CCDC7: variants seen among roughly 807,000 people sequenced by gnomAD.
CCDC7 encodes the protein coiled-coil domain containing 7.
In CCDC7, 183 loss-of-function variants were observed where a neutral mutation model predicts 196.9. That is an observed-to-expected ratio of 0.93 (90% CI 0.82 to 1.05). The LOEUF is 1.05. CCDC7 is among the 50% of genes least tolerant of loss of function. CCDC7 has a pLI of 0.00. For missense variants in CCDC7, 1,540 were observed against 1,482.2 expected (o/e 1.04, Z -0.64); for synonymous variants, 525 against 484.6 (o/e 1.08, Z -1.10).
At chr10:32,818,956 C>T (rs1335080869) in intron 31 of CCDC7, among the ~76,000 whole-genome samples, 1 of 152,058 alleles carries the variant, frequency 6.6e-6, no homozygotes, top group East Asian at 1.9e-4. Context: ...CCAGAAATAA[C>T]TAAGATCAGA....
intron 33 of CCDC7, 142 bp downstream of exon 34, chr10:32,835,040 T>C: frequency 2.1e-6 from 1 of 487,020 alleles, no homozygotes; most frequent in Admixed American, 4.2e-5. Flanking sequence ...TTTGTGGAAC[T>C]CTAGTATTTG....
chr10:32,489,094 G>T (rs1471573457), intron 8 of CCDC7, among the ~76,000 whole-genome samples: 1 of 152,200 alleles, frequency 6.6e-6, no homozygotes, highest in Non-Finnish European at 1.5e-5. Context: ...GACACCTCTT[G>T]GTTCTGGATT....
chr10:32,581,568 A>C (rs2137439203), intron 16 of CCDC7, among the ~76,000 whole-genome samples: 1 of 152,200 alleles, frequency 6.6e-6, no homozygotes, highest in South Asian at 2.1e-4. Flanking sequence ...CCTTCCTAGT[A>C]GTTTTTATTC....
chr10:32,454,549 A>G (rs966999496), intron 2 of CCDC7, among the ~76,000 whole-genome samples: 2 of 151,842 alleles, frequency 1.3e-5, no homozygotes, highest in African/African-American at 4.8e-5. Context: ...AAACCTGCAC[A>G]TGTACCCACT....
At chr10:32,797,154 T>C (rs948034568) in intron 29 of CCDC7, among the ~76,000 whole-genome samples, 2 of 151,520 alleles carry the variant, frequency 1.3e-5, no homozygotes, top group Non-Finnish European at 2.9e-5. Context: ...TAAACTGTGG[T>C]ATGTGTATGT....
chr10:32,716,918 C>G (rs563059511), intron 25 of CCDC7, among the ~76,000 whole-genome samples: 32 of 151,988 alleles, frequency 2.1e-4, no homozygotes, highest in Admixed American at 1.6e-3. Flanking sequence ...GAGACTTAGA[C>G]TCCCACACAA....
rs142960025 is a variant in CCDC7 at position 32,611,073 on chromosome 10, C to T, written c.1802-23181C>T. Among the ~76,000 whole-genome samples the T allele has an allele frequency of 1.1e-3, 162 of 152,316 alleles. 2 individuals carry two copies. The highest frequency in any genetic ancestry group is 0.011 in the East Asian group (55 of 5,182). On this transcript the variant is annotated intron_variant, in intron 18 of 41. Transcript: ENST00000639629. ...AAGCCTTCCTGTTTATCTACATCCT[C>T]TCCAGCATTTGTTGTTTCCTGACTT... is the stretch of plus-strand genomic sequence containing the variant.
chr10:32,491,136 AC>A (rs908044170), intron 8 of CCDC7, among the ~76,000 whole-genome samples: 133 of 152,028 alleles, frequency 8.7e-4, no homozygotes, highest in African/African-American at 3.2e-3. Context: ...ATGTTTTTCT[AC>A]TTTAACTTCT....
At chr10:32,655,420 T>C (rs1347891302) in intron 20 of CCDC7, among the ~76,000 whole-genome samples, 1 of 152,236 alleles carries the variant, frequency 6.6e-6, no homozygotes, top group Non-Finnish European at 1.5e-5. Flanking sequence ...ATAGTTGTTC[T>C]AATAGGTGTG....
chr10:32,447,374 T>C (rs995350691), upstream of CCDC7, among the ~76,000 whole-genome samples: 5 of 152,230 alleles, frequency 3.3e-5, no homozygotes, highest in East Asian at 3.8e-4. Flanking sequence ...GTTTTACTTA[T>C]TGGCTCATTG....
Position 32,822,125 on chromosome 10 carries a change from A to T in CCDC7, c.3182-2393A>T, listed in dbSNP as rs183634063. On this transcript the variant is annotated intron_variant, in intron 31 of 41. Transcript: ENST00000639629. ...TTTCTAGCAGAACTGTTTTCCAAGA[A>T]ATTCTAAAGAAATTTCTTCAGGCTA... Among the ~76,000 whole-genome samples the T allele has an allele frequency of 1.1e-4, 17 of 152,310 alleles. No homozygotes were observed. In the East Asian group the frequency reaches 3.3e-3, roughly 29 times the overall value.
chr10:32,720,120 T>C (rs2082182329), intron 25 of CCDC7, among the ~76,000 whole-genome samples: 1 of 152,092 alleles, frequency 6.6e-6, no homozygotes, highest in Non-Finnish European at 1.5e-5. Context: ...CTATTCACAA[T>C]AGCAAAGACT....
Position 32,689,020 on chromosome 10 carries a change from A to T in CCDC7, c.2234-33A>T, listed in dbSNP as rs746215555. On this transcript the variant is annotated intron_variant, in intron 22 of 41. Transcript: ENST00000639629. ...ACAGATTTCAAATGGATTTATTTGTAATTTAGCGGACTAAACACATCTTTT... is the reference window on the plus strand; with the variant it reads ...ACAGATTTCAAATGGATTTATTTGTTATTTAGCGGACTAAACACATCTTTT... The T allele has an allele frequency of 4.6e-6, 6 of 1,293,636 alleles. No homozygotes were observed. In the East Asian group the frequency reaches 1.4e-4, roughly 30 times the overall value. 80.1% of individuals were successfully genotyped at this position (1,293,636 alleles called of 1,614,324 possible). A position where few individuals can be genotyped will look rare whatever the true frequency, so the allele number is the denominator to read the frequency against.
rs988878679 is a variant in CCDC7 at position 32,518,650 on chromosome 10, A to G, written c.993+145A>G. ...GCAGCTATGCTTTAAAAATAAAATTATGCCATATTCTAAATTATCATATTA... is the reference window on the plus strand; with the variant it reads ...GCAGCTATGCTTTAAAAATAAAATTGTGCCATATTCTAAATTATCATATTA... On this transcript the variant is annotated intron_variant, in intron 11 of 41. Coordinates refer to ENST00000639629, the Ensembl canonical transcript of CCDC7. 2.5e-5 allele frequency: 16 copies of G among 638,940 alleles called. No homozygotes were observed. The African/African-American group carries it at 2.8e-4, about 11-fold the overall frequency. 39.6% of individuals were successfully genotyped at this position (638,940 alleles called of 1,614,324 possible). A position where few individuals can be genotyped will look rare whatever the true frequency, so the allele number is the denominator to read the frequency against.
At chr10:32,470,140 T>A (rs986285054) in intron 5 of CCDC7, among the ~76,000 whole-genome samples, 2 of 152,220 alleles carry the variant, frequency 1.3e-5, no homozygotes, top group South Asian at 4.1e-4. Context: ...TCTGCTGTTA[T>A]ATCCTACTCT....
intron 16 of CCDC7, among the ~76,000 whole-genome samples, chr10:32,579,358 A>G (rs573697159): frequency 5.9e-5 from 9 of 152,296 alleles, no homozygotes; most frequent in Admixed American, 2.0e-4. Context: ...GCCAGTTCAG[A>G]CAGGTTTTCA....
exon 17 of CCDC7, chr10:32,583,216 A>G (rs2058910465): frequency 2.4e-6 from 3 of 1,231,432 alleles, no homozygotes; most frequent in Non-Finnish European, 3.0e-6. Context: ...AAAGAAGTTC[A>G]AGATTCACTG....
chr10:32,489,600 C>T (rs562824708), intron 8 of CCDC7, among the ~76,000 whole-genome samples: 1 of 152,288 alleles, frequency 6.6e-6, no homozygotes, highest in South Asian at 2.1e-4. Flanking sequence ...GGAGTGTGAA[C>T]ACATGCAGAG....
At chr10:32,468,956 C>T (rs144234825) in intron 5 of CCDC7, among the ~76,000 whole-genome samples, 5 of 152,336 alleles carry the variant, frequency 3.3e-5, no homozygotes, top group Middle Eastern at 6.8e-3. Flanking sequence ...TGGTGAGCTA[C>T]ACCAGAGAAA....
Sources: gnomAD v4.1 joint callset for allele counts (sites outside exome capture counted in the v4.1 genomes callset) on GRCh38, gnomAD v4.1.1 for gene constraint, MANE v1.5 for transcripts, NCBI Gene and HGNC (gene_info 2026-07-23, HGNC 2026-07-21) for gene names.